Variants in FBN1 observed in about 807,000 individuals in gnomAD.
FBN1 encodes the protein fibrillin 1.
A neutral mutation model predicts 365.1 loss-of-function variants in FBN1; 29 were observed. The observed-to-expected ratio is 0.08, with a 90% confidence interval of 0.06 to 0.11. FBN1 has a LOEUF of 0.11. FBN1 is among the 10% of genes least tolerant of loss of function. FBN1 has a pLI of 1.00. For synonymous variants in FBN1, 1,210 were observed against 1,270.5 expected (o/e 0.95, Z 1.01); for missense variants, 2,476 against 3,703.2 (o/e 0.67, Z 8.60).
intron 6 of FBN1, among the ~76,000 whole-genome samples, chr15:48,538,231 G>C (rs551137489): frequency 1.2e-4 from 18 of 152,278 alleles, no homozygotes; most frequent in African/African-American, 4.3e-4. Flanking sequence ...ACCTCACAGA[G>C]CTTCCAGTCT....
At chr15:48,563,193 G>A (rs2140659567) in intron 6 of FBN1, among the ~76,000 whole-genome samples, 1 of 152,288 alleles carries the variant, frequency 6.6e-6, no homozygotes, top group Non-Finnish European at 1.5e-5. Context: ...TCTAGGCACT[G>A]AAGATATGGG....
In FBN1 at chr15:48,410,827, T is replaced by A; in HGVS notation, c.*163A>T. 1.5e-6 allele frequency: 1 copy of A among 687,476 alleles called. No homozygotes were observed. Among genetic ancestry groups the A allele is most frequent in the South Asian group, 2.0e-5 (1 of 50,044 alleles). The allele number at this position is 687,476 out of a possible 1,614,324, so 42.6% of individuals were successfully genotyped here. A position where few individuals can be genotyped will look rare whatever the true frequency, so the allele number is the denominator to read the frequency against. ...AAGTGGTTGTTTTGAACTAGGGTAG[T>A]CACCTGTACCTTGCTTTGGTAATAC... On this transcript the variant is annotated 3_prime_UTR_variant, in exon 66 of 66. Transcript: ENST00000316623.
chr15:48,422,316 T>C (rs958977074), intron 60 of FBN1, among the ~76,000 whole-genome samples: 10 of 152,168 alleles, frequency 6.6e-5, no homozygotes, highest in African/African-American at 1.4e-4. Context: ...GAAAACACAA[T>C]TCTAATTGGA....
At chr15:48,515,288 A>C in intron 12 of FBN1, 99 bp downstream of exon 12, 1 of 1,373,218 alleles carries the variant, frequency 7.3e-7, no homozygotes, top group Non-Finnish European at 1.0e-6. Flanking sequence ...TAAGCCACCA[A>C]GTTTGGGGTA....
In FBN1 at chr15:48,427,981, A is replaced by G. The variant is rs998520319; in HGVS notation, c.6998-208T>C. On this transcript the variant is annotated intron_variant, in intron 57 of 65. Transcript: ENST00000316623. Reference sequence around the variant, plus strand: ...AATAAGACATTCAGTAAGTAGGCAGAAAGACATTGGCCTAGACAAGCTTAT... The same window carrying G: ...AATAAGACATTCAGTAAGTAGGCAGGAAGACATTGGCCTAGACAAGCTTAT... 7 of 697,672 alleles carry G rather than the reference A, an allele frequency of 1.0e-5. No homozygotes were observed. The African/African-American group carries it at 1.2e-4, about 12-fold the overall frequency. 43.2% of individuals were successfully genotyped at this position (697,672 alleles called of 1,614,324 possible).
chr15:48,495,816 A>G (rs1200694830), intron 20 of FBN1, among the ~76,000 whole-genome samples: 1 of 152,246 alleles, frequency 6.6e-6, no homozygotes, highest in Admixed American at 6.5e-5. Context: ...TTTTATTTAG[A>G]AAATCTGGAG....
chr15:48,463,590 T>C (rs1226873392), intron 41 of FBN1, among the ~76,000 whole-genome samples: 1 of 152,252 alleles, frequency 6.6e-6, no homozygotes, highest in Non-Finnish European at 1.5e-5. Flanking sequence ...GATGTTTTAA[T>C]ACTGTAGGTC....
chr15:48,487,565 G>T (rs765851214), intron 27 of FBN1, 128 bp from the exon 28 acceptor site: 761 of 1,313,378 alleles, frequency 5.8e-4, no homozygotes, highest in Non-Finnish European at 7.9e-4. Flanking sequence ...CAACTCTCTG[G>T]TGCTATTCAT....
Position 48,441,789 on chromosome 15 carries a change from G to A in FBN1, c.6095C>T (p.Thr2032Ile). ...ACACAGACATTTGAAGCTGCCTTCA[G>A]TGTTACTGCATGTGCCCAGGGCACA... is the stretch of plus-strand genomic sequence containing the variant. ...EICALGTCSN[T>I]EGSFKCLCPE... Residue 2032 changes from threonine to isoleucine, a missense_variant, in exon 50 of 66, where the codon ACT becomes ATT. Around this residue, in one of 5 missense-constraint regions of FBN1, gnomAD observed 1,780 missense variants for 2,840.8 expected, o/e 0.63. Transcript: ENST00000316623. The A allele has an allele frequency of 6.2e-7, 1 of 1,613,682 alleles. No individual in the cohort carries two copies.
At chr15:48,444,939 G>A (rs1242384033) in intron 48 of FBN1, among the ~76,000 whole-genome samples, 1 of 150,878 alleles carries the variant, frequency 6.6e-6, no homozygotes, top group Non-Finnish European at 1.5e-5. Context: ...TAGATTTTAA[G>A]GATACTCAAA....
intron 44 of FBN1, 66 bp downstream of exon 44, chr15:48,456,571 A>G (rs1461041269): frequency 1.3e-6 from 2 of 1,535,394 alleles, no homozygotes; most frequent in African/African-American, 2.7e-5. Flanking sequence ...AAATTCGCCA[A>G]GTGTGTATCA....
chr15:48,616,756 A>T (rs1597635441), intron 2 of FBN1, among the ~76,000 whole-genome samples: 1 of 152,218 alleles, frequency 6.6e-6, no homozygotes, highest in East Asian at 1.9e-4. Flanking sequence ...TCGGATTTAA[A>T]GCTCTGTGCA....
At chr15:48,637,471 A>G (rs1890114895) in intron 2 of FBN1, among the ~76,000 whole-genome samples, 1 of 152,186 alleles carries the variant, frequency 6.6e-6, no homozygotes, top group African/African-American at 2.4e-5. Flanking sequence ...CACTCGTTTC[A>G]TAGACTGCAC....
chr15:48,532,488 GTGTA>G (rs2043981444), intron 8 of FBN1, among the ~76,000 whole-genome samples: 1 of 147,990 alleles, frequency 6.8e-6, no homozygotes, highest in African/African-American at 2.5e-5. Context: ...GTGTGTGTGT[GTGTA>G]TATATATATG....
rs770132403 is a variant in FBN1 at position 48,434,615 on chromosome 15, C to T, written c.6595G>A (p.Gly2199Ser). 10 of 1,613,760 alleles carry T rather than the reference C, an allele frequency of 6.2e-6. No individual in the cohort carries two copies. Among genetic ancestry groups the T allele is most frequent in the East Asian group, 4.5e-5 (2 of 44,876 alleles). ...ECTCEEGFEPGPMMTCEDINE... is the reference protein window; with the variant it reads ...ECTCEEGFEPSPMMTCEDINE... Reference sequence around the variant, plus strand: ...GTACCTTCACATGTCATCATTGGACCGGGCTCAAATCCCTCCTCGCAGGTG... The same window carrying T: ...GTACCTTCACATGTCATCATTGGACTGGGCTCAAATCCCTCCTCGCAGGTG... The change falls in exon 54 of 66, where the codon GGT (glycine) becomes AGT (serine). Residue 2199 changes from glycine (G) to serine (S), a missense_variant. Coordinates refer to ENST00000316623, the MANE Select transcript of FBN1 (RefSeq NM_000138.5).
chr15:48,624,604 T>C (rs893792241), intron 2 of FBN1, among the ~76,000 whole-genome samples: 3 of 152,228 alleles, frequency 2.0e-5, no homozygotes, highest in African/African-American at 7.2e-5. Flanking sequence ...TGAGAGGATA[T>C]GGCCAATGAC....
intron 9 of FBN1, among the ~76,000 whole-genome samples, chr15:48,522,011 C>CTG (rs1250207857): frequency 6.6e-6 from 1 of 152,194 alleles, no homozygotes; most frequent in East Asian, 1.9e-4. Context: ...TGCCTGAGCC[C>CTG]TGCCTCTGTC....
At chr15:48,503,676 T>C in intron 17 of FBN1, 111 bp downstream of exon 17, 2 of 1,425,568 alleles carry the variant, frequency 1.4e-6, no homozygotes, top group Non-Finnish European at 2.0e-6. Context: ...AGAAGGCACA[T>C]GGCGTACCTG....
intron 6 of FBN1, among the ~76,000 whole-genome samples, chr15:48,570,352 A>G (rs868403459): frequency 1.3e-5 from 2 of 152,224 alleles, no homozygotes; most frequent in Non-Finnish European, 2.9e-5. Flanking sequence ...ACATAAATCT[A>G]TATCACATTC....
Sources: allele counts gnomAD v4.1 joint callset (sites outside exome capture counted in the v4.1 genomes callset), GRCh38; gene constraint gnomAD v4.1.1; regional missense constraint gnomAD v4.1.1; transcripts MANE v1.5; gene names NCBI Gene and HGNC (gene_info 2026-07-23, HGNC 2026-07-21).